GALNT13: variants seen among roughly 807,000 people sequenced by gnomAD.
GALNT13 encodes the protein polypeptide N-acetylgalactosaminyltransferase 13.
In GALNT13, 28 loss-of-function variants were observed where a neutral mutation model predicts 64.2. The observed-to-expected ratio is 0.44, with a 90% CI of 0.32 to 0.60. The LOEUF (loss-of-function observed/expected upper bound fraction) is 0.60, where lower values mean the gene tolerates loss of function less well. Among genes scored for constraint, GALNT13 ranks in the 20% least tolerant of loss-of-function variants. GALNT13 has a pLI of 0.05. For missense variants in GALNT13, 577 were observed against 669.8 expected (o/e 0.86, Z 1.53); for synonymous variants, 214 against 224.6 (o/e 0.95, Z 0.42).
the GALNT13 span, among the ~76,000 whole-genome samples, chr2:153,526,884 G>A: frequency 1.3e-5 from 2 of 152,090 alleles, no homozygotes; most frequent in Non-Finnish European, 2.9e-5. Context: ...TTCTGGAGCT[G>A]AAAAAATGCA....
intron 12 of GALNT13, chr2:154,441,632 C>T (rs1701302695): frequency 6.6e-6 from 1 of 152,086 alleles, no homozygotes; most frequent in Non-Finnish European, 1.5e-5. Flanking sequence ...AATTGTGAAT[C>T]TCACCATGTG....
chr2:154,268,217 T>A (rs1691127980), intron 8 of GALNT13, among the ~76,000 whole-genome samples: 1 of 152,220 alleles, frequency 6.6e-6, no homozygotes, highest in Admixed American at 6.5e-5. Flanking sequence ...GAATAAACTA[T>A]GCTTTGTCCA....
the GALNT13 span, among the ~76,000 whole-genome samples, chr2:153,269,201 A>T: frequency 6.6e-6 from 1 of 152,194 alleles, no homozygotes; most frequent in African/African-American, 2.4e-5. Flanking sequence ...TAAAAGTTTC[A>T]CTTTCAGATA....
chr2:153,566,348 G>GTTTTTTTTTTTTTTTTTTTTTTTTTTTT, the GALNT13 span, among the ~76,000 whole-genome samples: 19 of 74,822 alleles, frequency 2.5e-4, 3 homozygotes, highest in East Asian at 1.8e-3. Context: ...TTCTAATCAC[G>GTTTTTTTTTTTTTTTTTTTTTTTTTTTT]TTTTTTTTTT....
chr2:153,267,632 A>C, the GALNT13 span, among the ~76,000 whole-genome samples: 175 of 152,320 alleles, frequency 1.1e-3, 2 homozygotes, highest in East Asian at 0.017. Context: ...CTCCAGATAC[A>C]TTCAACAATT....
intron 3 of GALNT13, among the ~76,000 whole-genome samples, chr2:153,961,521 T>C (rs1692943264): frequency 6.6e-6 from 1 of 152,110 alleles, no homozygotes; most frequent in African/African-American, 2.4e-5. Flanking sequence ...AAGGTAACAG[T>C]CTATCAAGAA....
chr2:153,163,793 G>A, the GALNT13 span, among the ~76,000 whole-genome samples: 1 of 152,138 alleles, frequency 6.6e-6, no homozygotes, highest in East Asian at 1.9e-4. Context: ...GCCAAGGCGG[G>A]CGGATCACGA....
At chr2:153,578,235 G>T in the GALNT13 span, among the ~76,000 whole-genome samples, 1 of 152,066 alleles carries the variant, frequency 6.6e-6, no homozygotes, top group Non-Finnish European at 1.5e-5. Flanking sequence ...CCTTGCTTTT[G>T]TGTTGGATTG....
At chr2:153,831,595 C>T in the GALNT13 span, among the ~76,000 whole-genome samples, 7 of 151,794 alleles carry the variant, frequency 4.6e-5, no homozygotes, top group African/African-American at 1.2e-4. Flanking sequence ...GTTGCCAATG[C>T]CCTCTCTTGA....
chr2:153,973,211 G>C (rs1314677252), intron 3 of GALNT13, among the ~76,000 whole-genome samples: 1 of 151,932 alleles, frequency 6.6e-6, no homozygotes, highest in East Asian at 1.9e-4. Context: ...TGAGAGCTTT[G>C]AGGATTCTGA....
the GALNT13 span, among the ~76,000 whole-genome samples, chr2:153,832,495 T>A: frequency 2.6e-5 from 4 of 152,166 alleles, no homozygotes. Flanking sequence ...CCACTACTAA[T>A]CCGGGGAGTG....
chr2:153,784,067 A>C, the GALNT13 span, among the ~76,000 whole-genome samples: 2 of 152,174 alleles, frequency 1.3e-5, no homozygotes, highest in Non-Finnish European at 2.9e-5. Context: ...AGATTTTAAC[A>C]GTTCAGAGGG....
At chr2:153,595,150 T>A in the GALNT13 span, among the ~76,000 whole-genome samples, 1 of 152,012 alleles carries the variant, frequency 6.6e-6, no homozygotes, top group African/African-American at 2.4e-5. Flanking sequence ...AGTATTTAAA[T>A]ATTTTAGAGT....
intron 4 of GALNT13, among the ~76,000 whole-genome samples, chr2:154,201,515 A>G (rs1340920006): frequency 6.6e-6 from 1 of 152,048 alleles, no homozygotes; most frequent in Admixed American, 6.6e-5. Context: ...TTCTTACTTT[A>G]TTTAAAGTGT....
At chr2:153,544,175 C>T in the GALNT13 span, among the ~76,000 whole-genome samples, 1 of 152,116 alleles carries the variant, frequency 6.6e-6, no homozygotes, top group Non-Finnish European at 1.5e-5. Context: ...GGTCATAAAT[C>T]CAAATAAGTT....
At chr2:153,879,557 G>C (rs866840179) in intron 1 of GALNT13, among the ~76,000 whole-genome samples, 3 of 150,120 alleles carry the variant, frequency 2.0e-5, no homozygotes, top group African/African-American at 7.4e-5. Flanking sequence ...TTTTTTGGTA[G>C]AGACAGAGTC....
the GALNT13 span, among the ~76,000 whole-genome samples, chr2:153,247,906 A>G: frequency 6.6e-6 from 1 of 152,190 alleles, no homozygotes; most frequent in African/African-American, 2.4e-5. Context: ...TAGAAATACA[A>G]ACTACCATCA....
At chr2:153,184,078 A>C in the GALNT13 span, among the ~76,000 whole-genome samples, 1 of 152,210 alleles carries the variant, frequency 6.6e-6, no homozygotes, top group Admixed American at 6.6e-5. Context: ...TGCCGTTTTC[A>C]TGATATTGAT....
At chr2:154,364,423 A>G (rs1475786819) in intron 9 of GALNT13, among the ~76,000 whole-genome samples, 2 of 151,788 alleles carry the variant, frequency 1.3e-5, no homozygotes, top group African/African-American at 2.4e-5. Context: ...TCAAGGGAGA[A>G]TATCTCGACT....
Sources: allele counts gnomAD v4.1 joint callset (sites outside exome capture counted in the v4.1 genomes callset), GRCh38; gene constraint gnomAD v4.1.1; transcripts MANE v1.5; gene names NCBI Gene and HGNC (gene_info 2026-07-23, HGNC 2026-07-21).